Variants in SEPTIN6 observed in about 807,000 individuals in gnomAD.
SEPTIN6 encodes the protein septin 6, also known as septin-6.
Under a neutral mutation model 33.6 loss-of-function variants are expected in SEPTIN6, and 8 were observed. The observed-to-expected ratio is 0.24, with a 90% CI of 0.14 to 0.43. SEPTIN6 has a LOEUF of 0.43. Among genes scored for constraint, SEPTIN6 ranks in the 20% least tolerant of loss-of-function variants. The pLI is 1.00. For synonymous variants in SEPTIN6, 131 were observed against 140.0 expected (o/e 0.94, Z 0.45); for missense variants, 250 against 340.8 (o/e 0.73, Z 2.10).
chrX:119,691,264 A>G (rs1483975777), intron 1 of SEPTIN6, among the ~76,000 whole-genome samples: 1 of 112,003 alleles, frequency 8.9e-6, no homozygotes, highest in Non-Finnish European at 1.9e-5. Flanking sequence ...CTGCAATCCT[A>G]ATCCAGGCAA....
intron 2 of SEPTIN6, among the ~76,000 whole-genome samples, chrX:119,667,844 C>A (rs933473106): frequency 1.8e-5 from 2 of 111,298 alleles, no homozygotes; most frequent in African/African-American, 6.5e-5. Context: ...CTCCCCCAGC[C>A]CTCCCAGGGC....
chrX:119,693,106 C>A lies in SEPTIN6; in HGVS notation c.-1G>T. 1.7e-6 allele frequency: 2 copies of A among 1,170,347 alleles called. No homozygotes were observed. The highest frequency in any genetic ancestry group is 1.9e-5 in the South Asian group (1 of 52,942). ...GGCGAGCTATATCGGTCGCTGCCAT[C>A]GCTCCTGCGTCCGCCAGGGCTGCCA... On this transcript the variant is annotated 5_prime_UTR_variant, in exon 1 of 11. Coordinates refer to ENST00000394610, the MANE Select transcript of SEPTIN6 (RefSeq NM_145799.4).
intron 5 of SEPTIN6, among the ~76,000 whole-genome samples, chrX:119,648,420 G>T (rs183796127): frequency 9.0e-6 from 1 of 111,536 alleles, no homozygotes; most frequent in African/African-American, 3.3e-5. Flanking sequence ...GACACTTCTC[G>T]CGAGGCTCCC....
intron 5 of SEPTIN6, chrX:119,646,950 C>T (rs1345643198): frequency 1.5e-5 from 2 of 129,713 alleles, no homozygotes; most frequent in Admixed American, 8.8e-5. Context: ...TTGATAGCAC[C>T]CTCTTTCCCA....
At chrX:119,643,821 C>T (rs1318775536) in intron 5 of SEPTIN6, among the ~76,000 whole-genome samples, 1 of 111,661 alleles carries the variant, frequency 9.0e-6, no homozygotes, top group Non-Finnish European at 1.9e-5. Flanking sequence ...CAACCTCTCC[C>T]AGCCACCTAG....
At chrX:119,638,058 A>G (rs1236729442) in intron 6 of SEPTIN6, among the ~76,000 whole-genome samples, 1 of 111,879 alleles carries the variant, frequency 8.9e-6, no homozygotes, top group Non-Finnish European at 1.9e-5. Flanking sequence ...TTAGGGTTCA[A>G]ACCCAGGCAA....
At chrX:119,673,567 G>A (rs1185123525) in intron 2 of SEPTIN6, among the ~76,000 whole-genome samples, 2 of 110,937 alleles carry the variant, frequency 1.8e-5, no homozygotes, top group Non-Finnish European at 3.8e-5. Flanking sequence ...TGACCTTAGT[G>A]AGAAAACAGA....
At position 119,617,497 on chromosome X, in the gene SEPTIN6, T is replaced by C. The variant is rs754837677; in HGVS notation, c.*2596A>G. On this transcript the variant is annotated 3_prime_UTR_variant, in exon 11 of 11. Transcript: ENST00000394610. Reference sequence around the variant, plus strand: ...CAGCCTTGCAGCATCACTGGGTCATTGGGTTAAGGAGCTGGCCCGGCATGC... The same window carrying C: ...CAGCCTTGCAGCATCACTGGGTCATCGGGTTAAGGAGCTGGCCCGGCATGC... The C allele has an allele frequency of 1.2e-6, 1 of 805,098 alleles. No homozygotes were observed. Among genetic ancestry groups the C allele is most frequent in the Non-Finnish European group, 1.5e-6 (1 of 670,486 alleles). 66.3% of individuals were successfully genotyped at this position (805,098 alleles called of 1,213,427 possible). A position where few individuals can be genotyped will look rare whatever the true frequency, so the allele number is the denominator to read the frequency against.
Position 119,625,452 on chromosome X carries a change from C to T in SEPTIN6, c.1281-73G>A, listed in dbSNP as rs867710968. The T allele has an allele frequency of 2.6e-5, 26 of 994,519 alleles. No individual in the cohort carries two copies. In the Middle Eastern group the frequency reaches 3.1e-3, roughly 117 times the overall value. 82.0% of individuals were successfully genotyped at this position (994,519 alleles called of 1,213,427 possible). ...ATCAAATATTATGACTTGACACAAA[C>T]AATGAAGGGTTAGAGGTCAAAGGTG... On this transcript the variant is annotated intron_variant, in intron 9 of 10. Transcript: ENST00000394610.
downstream of SEPTIN6, chrX:119,616,709 T>G (rs1421639047): frequency 8.3e-7 from 1 of 1,198,818 alleles, no homozygotes; most frequent in Admixed American, 2.2e-5. Flanking sequence ...TCCTTTAGAC[T>G]TAGTGCAGCT....
In SEPTIN6 at chrX:119,617,937, T is replaced by C. The variant is rs191477110; in HGVS notation, c.*2156A>G. On this transcript the variant is annotated 3_prime_UTR_variant, in exon 11 of 11. Coordinates refer to ENST00000394610, the MANE Select transcript of SEPTIN6 (RefSeq NM_145799.4). ...TCTCAAGCCTTAACTAGTTAATCTG[T>C]ACACAAATGCAAATGAGGGCGCCTC... is the stretch of plus-strand genomic sequence containing the variant. 5 of 802,648 alleles carry C rather than the reference T, an allele frequency of 6.2e-6. No homozygotes were observed. In the East Asian group the frequency reaches 2.9e-4, roughly 46 times the overall value. The allele number at this position is 802,648 out of a possible 1,213,427, so 66.1% of individuals were successfully genotyped here. A position where few individuals can be genotyped will look rare whatever the true frequency, so the allele number is the denominator to read the frequency against.
intron 5 of SEPTIN6, among the ~76,000 whole-genome samples, chrX:119,649,111 ATTTTTT>A (rs200217501): frequency 1.3e-5 from 1 of 75,716 alleles, no homozygotes; most frequent in Non-Finnish European, 2.4e-5. Flanking sequence ...CATAACGCTG[ATTTTTT>A]TTTTTTTTTT....
intron 7 of SEPTIN6, among the ~76,000 whole-genome samples, chrX:119,635,610 C>T (rs1457785870): frequency 9.0e-6 from 1 of 111,273 alleles, no homozygotes; most frequent in Non-Finnish European, 1.9e-5. Context: ...TAAAGTGCTG[C>T]GTTGATATCA....
chrX:119,665,103 CTT>C (rs779678789), intron 2 of SEPTIN6, among the ~76,000 whole-genome samples: 26 of 91,727 alleles, frequency 2.8e-4, no homozygotes, highest in South Asian at 4.7e-4. Flanking sequence ...TCTTCTTCTT[CTT>C]TTTTTTTTTT....
intron 3 of SEPTIN6, among the ~76,000 whole-genome samples, chrX:119,658,088 C>T (rs1603342238): frequency 8.9e-6 from 1 of 112,224 alleles, no homozygotes; most frequent in East Asian, 2.8e-4. Flanking sequence ...GATAGCGCCA[C>T]TGCACTCCCG....
rs1218486214 is a variant in SEPTIN6, at chrX:119,619,697, G to A, written c.*396C>T. 4.3e-6 allele frequency: 4 copies of A among 926,478 alleles called. No homozygotes were observed. In the Admixed American group the frequency reaches 1.7e-4, roughly 40 times the overall value. The allele number at this position is 926,478 out of a possible 1,213,427, so 76.4% of individuals were successfully genotyped here. A position where few individuals can be genotyped will look rare whatever the true frequency, so the allele number is the denominator to read the frequency against. Reference sequence around the variant, plus strand: ...AGCCATGGTGGTTGCAAATACCTCAGGGAAACTAACAGCAACCAGAACTGG... The same window carrying A: ...AGCCATGGTGGTTGCAAATACCTCAAGGAAACTAACAGCAACCAGAACTGG... On this transcript the variant is annotated 3_prime_UTR_variant, in exon 11 of 11. Transcript: ENST00000394610.
intron 9 of SEPTIN6, among the ~76,000 whole-genome samples, chrX:119,626,218 A>G (rs2053853879): frequency 8.9e-6 from 1 of 112,280 alleles, no homozygotes; most frequent in African/African-American, 3.2e-5. Flanking sequence ...CCTGAAGAGT[A>G]GAGAGGGGTA....
chrX:119,679,948 G>A (rs985836515), intron 1 of SEPTIN6, among the ~76,000 whole-genome samples: 1 of 111,622 alleles, frequency 9.0e-6, no homozygotes, highest in African/African-American at 3.3e-5. Flanking sequence ...AAGGGTCTAA[G>A]CCCGGGAGCT....
chrX:119,620,185 G>T, intron 10 of SEPTIN6, 134 bp from the exon 11 acceptor site: 1 of 506,560 alleles, frequency 2.0e-6, no homozygotes, highest in Non-Finnish European at 3.3e-6. Context: ...TGGTCTTAAG[G>T]TCTTATTGCA....
Sources: allele counts gnomAD v4.1 joint callset (sites outside exome capture counted in the v4.1 genomes callset), GRCh38; gene constraint gnomAD v4.1.1; transcripts MANE v1.5; gene names NCBI Gene and HGNC (gene_info 2026-07-23, HGNC 2026-07-21).